ANO2: variants seen among roughly 807,000 people sequenced by gnomAD.
ANO2 encodes the protein anoctamin 2.
A neutral mutation model predicts 124.2 loss-of-function variants in ANO2; 101 were observed. That is an observed-to-expected ratio of 0.81 (90% confidence interval 0.69 to 0.96). The LOEUF (loss-of-function observed/expected upper bound fraction) is 0.96, where lower values mean the gene tolerates loss of function less well. ANO2 is among the 40% of genes least tolerant of loss of function. ANO2 has a pLI of 0.00. For missense variants in ANO2, 1,293 were observed against 1,274.5 expected (o/e 1.01, Z -0.22); for synonymous variants, 486 against 482.5 (o/e 1.01, Z -0.09).
At chr12:5,817,154 C>G (rs893238131) in intron 7 of ANO2, among the ~76,000 whole-genome samples, 4 of 152,162 alleles carry the variant, frequency 2.6e-5, no homozygotes, top group African/African-American at 9.7e-5. Context: ...GGGATTGTCC[C>G]CCAAAATAAA....
At chr12:5,589,589 G>A (rs567712468) in intron 20 of ANO2, among the ~76,000 whole-genome samples, 1 of 152,326 alleles carries the variant, frequency 6.6e-6, no homozygotes, top group East Asian at 1.9e-4. Context: ...GCCCTGGCGG[G>A]GGGGTGCTGG....
intron 23 of ANO2, 22 bp downstream of exon 23, chr12:5,575,812 C>T: frequency 6.2e-7 from 1 of 1,610,126 alleles, no homozygotes; most frequent in East Asian, 2.2e-5. Context: ...CTCTGCTGCC[C>T]TTCTCCTGAA....
At chr12:5,750,731 G>A in intron 11 of ANO2, 105 bp downstream of exon 11, 2 of 1,174,686 alleles carry the variant, frequency 1.7e-6, no homozygotes, top group Non-Finnish European at 1.2e-6. Flanking sequence ...GAATGATAGA[G>A]GGTGAGGGCT....
At chr12:5,835,536 T>C (rs1054958714) in intron 4 of ANO2, among the ~76,000 whole-genome samples, 1 of 152,242 alleles carries the variant, frequency 6.6e-6, no homozygotes, top group African/African-American at 2.4e-5. Context: ...GGCCTGGCTT[T>C]CAATGTACTT....
intron 19 of ANO2, among the ~76,000 whole-genome samples, chr12:5,605,927 G>A (rs780117078): frequency 6.6e-6 from 1 of 152,100 alleles, no homozygotes; most frequent in Non-Finnish European, 1.5e-5. Flanking sequence ...GGGAAGCATC[G>A]GCCACAACTG....
intron 14 of ANO2, among the ~76,000 whole-genome samples, chr12:5,704,187 AAATATT>A (rs1402493999): frequency 6.6e-6 from 1 of 152,184 alleles, no homozygotes; most frequent in Admixed American, 6.5e-5. Flanking sequence ...AATTGCAATT[AAATATT>A]TCAAAGCCTT....
At chr12:5,665,813 C>G (rs1257093076) in intron 14 of ANO2, among the ~76,000 whole-genome samples, 4 of 151,538 alleles carry the variant, frequency 2.6e-5, no homozygotes, top group Non-Finnish European at 4.4e-5. Context: ...GAATCCACAG[C>G]CTCAGCTGAT....
intron 3 of ANO2, among the ~76,000 whole-genome samples, chr12:5,907,636 G>GGAA (rs566396868): frequency 6.6e-6 from 1 of 150,856 alleles, no homozygotes; most frequent in African/African-American, 2.4e-5. Context: ...TAAAGAGGGG[G>GGAA]AAAAAAAAAG....
chr12:5,919,434 G>C lies in ANO2; in HGVS notation c.534+1606C>G, dbSNP rs771614701. On this transcript the variant is annotated intron_variant, in intron 3 of 24. Coordinates refer to ENST00000682330, the MANE Select transcript of ANO2 (RefSeq NM_001364791.2). ...CTGAGGTCAAGGTGCCCAAAGCAGA[G>C]AGGGCAACAGCACAAAGACCTGAGG... Among the ~76,000 whole-genome samples, 63 of 147,848 alleles carry C rather than the reference G, an allele frequency of 4.3e-4. 1 individual carries two copies. The highest frequency in any genetic ancestry group is 8.1e-4 in the Non-Finnish European group (53 of 65,834).
intron 3 of ANO2, among the ~76,000 whole-genome samples, chr12:5,857,189 C>G (rs931384905): frequency 1.3e-5 from 2 of 152,146 alleles, no homozygotes; most frequent in African/African-American, 4.8e-5. Context: ...TCCTTGTCCC[C>G]CAGGCCACTC....
At chr12:5,701,788 C>A (rs1591945767) in intron 14 of ANO2, among the ~76,000 whole-genome samples, 1 of 152,286 alleles carries the variant, frequency 6.6e-6, no homozygotes, top group South Asian at 2.1e-4. Context: ...ATTCCTCAAA[C>A]TAAAACGGTC....
In ANO2 at chr12:5,563,309, G is replaced by A. The variant is rs201532779; in HGVS notation, c.2987C>T (p.Thr996Ile). 5.0e-4 allele frequency: 792 copies of A among 1,598,992 alleles called. 1 individual carries two copies. The highest frequency in any genetic ancestry group is 6.5e-4 in the Non-Finnish European group (767 of 1,176,438). Reference protein sequence around the residue: ...GSMMSSGSQHTNV With the variant: ...GSMMSSGSQHINV ...TGCAGGCTGAACTGCTCACACATTG[G>A]TGTGCTGAGAGCCTGACGACATCAT... The change falls in exon 25 of 25, where the codon ACC (threonine) becomes ATC (isoleucine). Residue 996 changes from threonine (T) to isoleucine (I), a missense_variant. Physicochemically the swap from Thr to Ile is moderately conservative, Grantham distance 89 (BLOSUM62 -1). Coordinates refer to ENST00000682330, the MANE Select transcript of ANO2 (RefSeq NM_001364791.2).
chr12:5,921,347 T>C lies in ANO2; in HGVS notation c.227A>G (p.Asp76Gly). 1.9e-6 allele frequency: 3 copies of C among 1,613,804 alleles called. No homozygotes were observed. The highest frequency in any genetic ancestry group is 2.5e-6 in the Non-Finnish European group (3 of 1,179,788). The change falls in exon 3 of 25, where the codon GAT becomes GGT. Residue 76 changes from aspartate (D) to glycine (G), a missense_variant. By Grantham distance (94) the Asp-to-Gly change is moderately conservative. Transcript: ENST00000682330. ...CTCCAAGGACACAGGCTCATTGGCA[T>C]CCAGATAGTTGTTGATGACCTGGCC... ...RSSSVINNYL[D>G]ANEPVSLEAR...
Position 5,575,966 on chromosome 12 carries a change from T to G in ANO2, c.2489A>C (p.Gln830Pro). The G allele has an allele frequency of 6.2e-7, 1 of 1,612,874 alleles. No individual in the cohort carries two copies. Among genetic ancestry groups the G allele is most frequent in the Non-Finnish European group, 8.5e-7 (1 of 1,179,440 alleles). Reference sequence around the variant, plus strand: ...AGTCCCATTGTGACTGTAGGAGTACTGGTACACCAGGCGGGGGATAAAGTC... The same window carrying G: ...AGTCCCATTGTGACTGTAGGAGTACGGGTACACCAGGCGGGGGATAAAGTC... ...TSDFIPRLVY[Q>P]YSYSHNGTLH... The change falls in exon 23 of 25, where the codon CAG (glutamine) becomes CCG (proline). Residue 830 changes from glutamine to proline, a missense_variant. Gln to Pro is a moderately conservative substitution (Grantham distance 76). Transcript: ENST00000682330.
rs147330859 is a variant in ANO2, at chr12:5,638,909, G to C, written c.1621-3562C>G. On this transcript the variant is annotated intron_variant, in intron 15 of 24. Transcript: ENST00000682330. ...GACGCCAAGAGAGAGACAGGTAAGAGAGAAGACCTCTTCGCCACCCTCCGG... is the reference window on the plus strand; with the variant it reads ...GACGCCAAGAGAGAGACAGGTAAGACAGAAGACCTCTTCGCCACCCTCCGG... Among the ~76,000 whole-genome samples, 460 of 152,270 alleles carry C rather than the reference G, an allele frequency of 3.0e-3. 1 individual carries two copies. The highest frequency in any genetic ancestry group is 0.01 in the Middle Eastern group (3 of 294).
chr12:5,819,685 A>T (rs1953722410), intron 7 of ANO2, among the ~76,000 whole-genome samples: 1 of 152,208 alleles, frequency 6.6e-6, no homozygotes, highest in African/African-American at 2.4e-5. Flanking sequence ...TATACCCTTG[A>T]CCAATGCCTT....
At chr12:5,910,968 A>G (rs761490682) in intron 3 of ANO2, among the ~76,000 whole-genome samples, 8 of 152,174 alleles carry the variant, frequency 5.3e-5, no homozygotes, top group Non-Finnish European at 1.0e-4. Flanking sequence ...GAGATCTGAC[A>G]AGGGTAGGAA....
intron 11 of ANO2, among the ~76,000 whole-genome samples, chr12:5,745,761 T>C (rs1209945375): frequency 6.6e-6 from 1 of 152,188 alleles, no homozygotes; most frequent in East Asian, 1.9e-4. Context: ...ACTGACTCGC[T>C]GGCAAAGGTC....
At chr12:5,723,751 C>T (rs887518851) in intron 14 of ANO2, among the ~76,000 whole-genome samples, 2 of 152,208 alleles carry the variant, frequency 1.3e-5, no homozygotes, top group Non-Finnish European at 2.9e-5. Context: ...AGGGGGCAGC[C>T]TTCAGCAACA....
Sources: allele counts gnomAD v4.1 joint callset (sites outside exome capture counted in the v4.1 genomes callset), GRCh38; gene constraint gnomAD v4.1.1; transcripts MANE v1.5; gene names NCBI Gene and HGNC (gene_info 2026-07-23, HGNC 2026-07-21).